The following CDK5R1 variants were observed in gnomAD, a reference collection of about 807,000 sequenced individuals.
CDK5R1 encodes cyclin dependent kinase 5 regulatory subunit 1.
A neutral mutation model predicts 19.0 loss-of-function variants in CDK5R1; 1 was observed. That is an observed-to-expected ratio of 0.05 (90% confidence interval 0.02 to 0.25). The LOEUF (loss-of-function observed/expected upper bound fraction) is 0.25, where lower values mean the gene tolerates loss of function less well. Among genes scored for constraint, CDK5R1 ranks in the 10% least tolerant of loss-of-function variants. The pLI is 1.00. For missense variants in CDK5R1, 314 were observed against 401.0 expected, an observed-to-expected ratio of 0.78 and a Z score of 1.85; for synonymous variants, 225 against 187.7, an observed-to-expected ratio of 1.20 and a Z score of -1.62.
Position 32,487,438 on chromosome 17 carries a change from G to T in CDK5R1, c.-145-38G>T, listed in dbSNP as rs1161241421. The T allele has an allele frequency of 2.0e-6, 1 of 499,616 alleles. No homozygotes were observed. The highest frequency in any genetic ancestry group is 2.1e-5 in the African/African-American group (1 of 48,430). The allele number at this position is 499,616 out of a possible 1,614,324, so 30.9% of individuals were successfully genotyped here. On this transcript the variant is annotated intron_variant, in intron 1 of 1. Transcript: ENST00000313401. The surrounding 1 kb of genome is among the most constrained non-coding windows in gnomAD (Gnocchi z 7.9). ...CGCAGGGGCGCAGGGGCGCGGCGCG[G>T]AGCCCAGCCTGGCGCTAAGAACCAT...
At position 32,489,391 on chromosome 17, in the gene CDK5R1, C is replaced by T. The variant is rs1445268892; in HGVS notation, c.*847C>T. Reference sequence around the variant, plus strand: ...GACAGCTGCAGGTGCCCATTAGCAACGCCTGCCTTCTGGGCAAGGTGAGGG... The same window carrying T: ...GACAGCTGCAGGTGCCCATTAGCAATGCCTGCCTTCTGGGCAAGGTGAGGG... On this transcript the variant is annotated 3_prime_UTR_variant, in exon 2 of 2. Coordinates refer to ENST00000313401, the MANE Select transcript of CDK5R1 (RefSeq NM_003885.3). 9.3e-6 allele frequency: 4 copies of T among 430,910 alleles called. No individual in the cohort carries two copies. Among genetic ancestry groups the T allele is most frequent in the African/African-American group, 6.1e-5 (3 of 49,100 alleles). The allele number at this position is 430,910 out of a possible 1,614,324, so 26.7% of individuals were successfully genotyped here. A position where few individuals can be genotyped will look rare whatever the true frequency, so the allele number is the denominator to read the frequency against.
chr17:32,489,277 T>G lies in CDK5R1; in HGVS notation c.*733T>G, dbSNP rs768408428. The G allele has an allele frequency of 1.1e-5, 5 of 470,964 alleles. No individual in the cohort carries two copies. Among genetic ancestry groups the G allele is most frequent in the Non-Finnish European group, 2.2e-5 (5 of 227,050 alleles). The allele number at this position is 470,964 out of a possible 1,614,324, so 29.2% of individuals were successfully genotyped here. On this transcript the variant is annotated 3_prime_UTR_variant, in exon 2 of 2. Coordinates refer to ENST00000313401, the MANE Select transcript of CDK5R1 (RefSeq NM_003885.3). Reference sequence around the variant, plus strand: ...AATTTCTCTCAATTTGGGTCCCAGCTAAAGAGGTGGGGTGAAGCTGGGGAC... The same window carrying G: ...AATTTCTCTCAATTTGGGTCCCAGCGAAAGAGGTGGGGTGAAGCTGGGGAC...
chr17:32,487,034 C>A lies in CDK5R1; in HGVS notation c.-274C>A. On this transcript the variant is annotated 5_prime_UTR_variant, in exon 1 of 2. Coordinates refer to ENST00000313401, the MANE Select transcript of CDK5R1 (RefSeq NM_003885.3). The surrounding 1 kb of genome is among the most constrained non-coding windows in gnomAD (Gnocchi z 7.9). ...CCGCCGCCGCCGCCGCCGCCGTCGC[C>A]GCCGCCGAGCGCGAGCCCAGCCGAT... 1 of 155,014 alleles carries A rather than the reference C, an allele frequency of 6.5e-6. No individual in the cohort carries two copies. The highest frequency in any genetic ancestry group is 1.8e-4 in the South Asian group (1 of 5,666). The allele number at this position is 155,014 out of a possible 1,614,324, so 9.6% of individuals were successfully genotyped here.
In CDK5R1 at chr17:32,488,669, C is replaced by G. The variant is rs9333303; in HGVS notation, c.*125C>G. The stretch of plus-strand genomic sequence containing the variant: ...GGGCCTCACCTTTCCCACAGTCTCT[C>G]CCTGGGGTTTTTTTCATCCCTGCCA... On this transcript the variant is annotated 3_prime_UTR_variant, in exon 2 of 2. Transcript: ENST00000313401. 6.6e-7 allele frequency: 1 copy of G among 1,508,606 alleles called. No homozygotes were observed. Among genetic ancestry groups the G allele is most frequent in the Non-Finnish European group, 9.0e-7 (1 of 1,112,268 alleles). The allele number at this position is 1,508,606 out of a possible 1,614,324, so 93.5% of individuals were successfully genotyped here.
Position 32,490,636 on chromosome 17 carries a change from C to T in CDK5R1, c.*2092C>T, listed in dbSNP as rs1369058275. Reference sequence around the variant, plus strand: ...AGTGTGCAAGCAAAGAACCCATTTGCCATGCTGCTATGAAGACTACTTTTA... The same window carrying T: ...AGTGTGCAAGCAAAGAACCCATTTGTCATGCTGCTATGAAGACTACTTTTA... On this transcript the variant is annotated 3_prime_UTR_variant, in exon 2 of 2. Coordinates refer to ENST00000313401, the MANE Select transcript of CDK5R1 (RefSeq NM_003885.3). 1 of 166,934 alleles carries T rather than the reference C, an allele frequency of 6.0e-6. No homozygotes were observed. Among genetic ancestry groups the T allele is most frequent in the Non-Finnish European group, 1.5e-5 (1 of 68,084 alleles). 10.3% of individuals were successfully genotyped at this position (166,934 alleles called of 1,614,324 possible).
chr17:32,488,808 C>G lies in CDK5R1; in HGVS notation c.*264C>G. On this transcript the variant is annotated 3_prime_UTR_variant, in exon 2 of 2. Transcript: ENST00000313401. ...GGGGAACTCAAAGGACTGACCTGCC[C>G]CTGCCGCCTGTGCCCTTGCTGGGTC... 1 of 541,054 alleles carries G rather than the reference C, an allele frequency of 1.8e-6. No homozygotes were observed. Among genetic ancestry groups the G allele is most frequent in the East Asian group, 4.1e-5 (1 of 24,270 alleles). 33.5% of individuals were successfully genotyped at this position (541,054 alleles called of 1,614,324 possible).
Position 32,487,930 on chromosome 17 carries a change from G to T in CDK5R1, c.310G>T (p.Ala104Ser), listed in dbSNP as rs1908734143. ...NLSTFAQPPP[A>S]QPPAPPASQL... ...GTCCACATTCGCCCAGCCCCCACCG[G>T]CCCAGCCGCCTGCACCCCCGGCCAG... The change falls in exon 2 of 2, where the codon GCC becomes TCC. Residue 104 changes from alanine to serine, a missense_variant. Coordinates refer to ENST00000313401, the MANE Select transcript of CDK5R1 (RefSeq NM_003885.3). This position sits in a 1 kb window ranked among gnomAD's most constrained non-coding sequence, Gnocchi z 7.9. The T allele has an allele frequency of 6.2e-7, 1 of 1,613,438 alleles. No homozygotes were observed.
rs2150844972 is a variant in CDK5R1, at chr17:32,488,646, GC to G, written c.*104del. On this transcript the variant is annotated 3_prime_UTR_variant, in exon 2 of 2. Transcript: ENST00000313401. The stretch of plus-strand genomic sequence containing the variant: ...TATGTGTCTAGCAAAGCCACCAAGG[GC>G]CTCACCTTTCCCACAGTCTCTCCCT... 6 of 1,552,126 alleles carry G rather than the reference GC, an allele frequency of 3.9e-6. No homozygotes were observed. Among genetic ancestry groups the G allele is most frequent in the Non-Finnish European group, 5.2e-6 (6 of 1,146,762 alleles).
chr17:32,487,453 C>T lies in CDK5R1; in HGVS notation c.-145-23C>T. ...GCGCGGCGCGGAGCCCAGCCTGGCGCTAAGAACCATCTTGTTTTCCAGGCA... is the reference window on the plus strand; with the variant it reads ...GCGCGGCGCGGAGCCCAGCCTGGCGTTAAGAACCATCTTGTTTTCCAGGCA... On this transcript the variant is annotated intron_variant, in intron 1 of 1. Coordinates refer to ENST00000313401, the MANE Select transcript of CDK5R1 (RefSeq NM_003885.3). This position sits in a 1 kb window ranked among gnomAD's most constrained non-coding sequence, Gnocchi z 7.9. 2 of 549,924 alleles carry T rather than the reference C, an allele frequency of 3.6e-6. No homozygotes were observed. Among genetic ancestry groups the T allele is most frequent in the East Asian group, 3.2e-5 (1 of 30,936 alleles). 34.1% of individuals were successfully genotyped at this position (549,924 alleles called of 1,614,324 possible).
chr17:32,489,163 G>A lies in CDK5R1; in HGVS notation c.*619G>A. On this transcript the variant is annotated 3_prime_UTR_variant, in exon 2 of 2. Transcript: ENST00000313401. Reference sequence around the variant, plus strand: ...TTTTAGGGAGAAGGGCTTTTCTTTAGTGGAGAAATGGAACTCGCCCCCCTA... The same window carrying A: ...TTTTAGGGAGAAGGGCTTTTCTTTAATGGAGAAATGGAACTCGCCCCCCTA... 2.1e-6 allele frequency: 1 copy of A among 471,146 alleles called. No homozygotes were observed. Among genetic ancestry groups the A allele is most frequent in the South Asian group, 1.5e-5 (1 of 64,568 alleles). The allele number at this position is 471,146 out of a possible 1,614,324, so 29.2% of individuals were successfully genotyped here.
At position 32,488,802 on chromosome 17, in the gene CDK5R1, C is replaced by A. The variant is rs1342208207; in HGVS notation, c.*258C>A. ...CACTTTGGGGAACTCAAAGGACTGA[C>A]CTGCCCCTGCCGCCTGTGCCCTTGC... On this transcript the variant is annotated 3_prime_UTR_variant, in exon 2 of 2. Coordinates refer to ENST00000313401, the MANE Select transcript of CDK5R1 (RefSeq NM_003885.3). The A allele has an allele frequency of 7.1e-6, 4 of 559,592 alleles. No homozygotes were observed. In the East Asian group the frequency reaches 1.2e-4, roughly 17 times the overall value. The allele number at this position is 559,592 out of a possible 1,614,324, so 34.7% of individuals were successfully genotyped here. A position where few individuals can be genotyped will look rare whatever the true frequency, so the allele number is the denominator to read the frequency against.
rs376942496 is a variant in CDK5R1, at chr17:32,488,565, G to T, written c.*21G>T. The T allele has an allele frequency of 4.3e-5, 69 of 1,613,918 alleles. No homozygotes were observed. In the African/African-American group the frequency reaches 8.3e-4, roughly 19 times the overall value. ...GGTGAGCACTGTAGCCTGCGTCATG[G>T]CTCAAGGATTCAATGCATTTTTAAG... On this transcript the variant is annotated 3_prime_UTR_variant, in exon 2 of 2. Coordinates refer to ENST00000313401, the MANE Select transcript of CDK5R1 (RefSeq NM_003885.3).
chr17:32,489,327 T>C lies in CDK5R1; in HGVS notation c.*783T>C, dbSNP rs1308664822. The C allele has an allele frequency of 8.5e-6, 4 of 470,414 alleles. No individual in the cohort carries two copies. The highest frequency in any genetic ancestry group is 2.4e-5 in the Admixed American group (1 of 42,532). The allele number at this position is 470,414 out of a possible 1,614,324, so 29.1% of individuals were successfully genotyped here. A position where few individuals can be genotyped will look rare whatever the true frequency, so the allele number is the denominator to read the frequency against. ...CAGCTTTCCTGGGTGAGTTTTTCTT[T>C]TGAATAATGTAGTGCAGTCACCCTG... On this transcript the variant is annotated 3_prime_UTR_variant, in exon 2 of 2. Coordinates refer to ENST00000313401, the MANE Select transcript of CDK5R1 (RefSeq NM_003885.3).
chr17:32,487,004 A>AGCTGCCGCCGCCGCCGCCGCC lies in CDK5R1; in HGVS notation c.-301_-281dup, dbSNP rs1555618560. The AGCTGCCGCCGCCGCCGCCGCC allele has an allele frequency of 1.3e-5, 2 of 151,916 alleles. No individual in the cohort carries two copies. The highest frequency in any genetic ancestry group is 3.8e-4 in the East Asian group (2 of 5,262). The allele number at this position is 151,916 out of a possible 1,614,324, so 9.4% of individuals were successfully genotyped here. On this transcript the variant is annotated 5_prime_UTR_variant, in exon 1 of 2. Transcript: ENST00000313401. This position sits in a 1 kb window ranked among gnomAD's most constrained non-coding sequence, Gnocchi z 7.9. ...GCAGAACCTTGGACAGAAGCTCCCTAGCTGCCGCCGCCGCCGCCGCCGCCG... is the reference window on the plus strand; with the variant it reads ...GCAGAACCTTGGACAGAAGCTCCCTAGCTGCCGCCGCCGCCGCCGCCGCTGCCGCCGCCGCCGCCGCCGCCG...
At position 32,488,378 on chromosome 17, in the gene CDK5R1, G is replaced by A. The variant is rs1908754261; in HGVS notation, c.758G>A (p.Cys253Tyr). ...CTCAAGCCCTTCCTGGTGGAGAGCT[G>A]CAAGGAGGCCTTTTGGGACCGTTGC... The part of the protein sequence containing the change: ...YPLKPFLVES[C>Y]KEAFWDRCLS... Residue 253 changes from cysteine to tyrosine, a missense_variant, in exon 2 of 2, where the codon TGC becomes TAC. This residue lies in a region of CDK5R1 where 106 missense variants were observed against 132.1 expected (regional missense o/e 0.80). Transcript: ENST00000313401. 6.2e-7 allele frequency: 1 copy of A among 1,613,998 alleles called. No individual in the cohort carries two copies. The highest frequency in any genetic ancestry group is 8.5e-7 in the Non-Finnish European group (1 of 1,180,018).
At position 32,488,251 on chromosome 17, in the gene CDK5R1, G is replaced by A; in HGVS notation, c.631G>A (p.Val211Ile). 1 of 1,614,088 alleles carries A rather than the reference G, an allele frequency of 6.2e-7. No homozygotes were observed. Among genetic ancestry groups the A allele is most frequent in the Non-Finnish European group, 8.5e-7 (1 of 1,180,054 alleles). Reference protein sequence around the residue: ...VVFLYMLCRDVISSEVGSDHE... With the variant: ...VVFLYMLCRDIISSEVGSDHE... ...CTTCCTCTACATGCTCTGCAGGGATGTTATCTCCTCCGAGGTGGGCTCGGA... is the reference window on the plus strand; with the variant it reads ...CTTCCTCTACATGCTCTGCAGGGATATTATCTCCTCCGAGGTGGGCTCGGA... Residue 211 changes from valine to isoleucine, a missense_variant, in exon 2 of 2, where the codon GTT (valine) becomes ATT (isoleucine). Physicochemically the swap from Val to Ile is conservative, Grantham distance 29. Transcript: ENST00000313401.
chr17:32,487,507 A>C lies in CDK5R1; in HGVS notation c.-114A>C, dbSNP rs1597849963. On this transcript the variant is annotated 5_prime_UTR_variant, in exon 2 of 2. Transcript: ENST00000313401. The surrounding 1 kb of genome is among the most constrained non-coding windows in gnomAD (Gnocchi z 7.9). Reference sequence around the variant, plus strand: ...CCAAGGGGGCAGCACGCTTCCCGGGAGCGCCCCCGCCTCCTCTCCGGGGCC... The same window carrying C: ...CCAAGGGGGCAGCACGCTTCCCGGGCGCGCCCCCGCCTCCTCTCCGGGGCC... The C allele has an allele frequency of 2.8e-6, 2 of 724,972 alleles. No individual in the cohort carries two copies. The allele number at this position is 724,972 out of a possible 1,614,324, so 44.9% of individuals were successfully genotyped here.
rs756578742 is a variant in CDK5R1, at chr17:32,487,858, C to T, written c.238C>T (p.His80Tyr). 9 of 1,613,970 alleles carry T rather than the reference C, an allele frequency of 5.6e-6. No individual in the cohort carries two copies. The highest frequency in any genetic ancestry group is 1.1e-5 in the South Asian group (1 of 91,094). ...PNSSYQNNIT[H>Y]LNNENLKKSL... ...CAGCAGCTACCAGAACAACATCACGCACCTCAACAATGAGAACCTGAAGAA... is the reference window on the plus strand; with the variant it reads ...CAGCAGCTACCAGAACAACATCACGTACCTCAACAATGAGAACCTGAAGAA... Residue 80 changes from histidine (H) to tyrosine (Y), a missense_variant, in exon 2 of 2, where the codon CAC (histidine) becomes TAC (tyrosine). This residue lies in a region of CDK5R1 where 197 missense variants were observed against 230.2 expected (regional missense o/e 0.86). Transcript: ENST00000313401. The surrounding 1 kb of genome is among the most constrained non-coding windows in gnomAD (Gnocchi z 7.9).
chr17:32,491,122 GTGTT>G lies in CDK5R1; in HGVS notation c.*2582_*2585del, dbSNP rs777619669. The G allele has an allele frequency of 6.0e-6, 1 of 167,098 alleles. No individual in the cohort carries two copies. Among genetic ancestry groups the G allele is most frequent in the Admixed American group, 6.5e-5 (1 of 15,286 alleles). The allele number at this position is 167,098 out of a possible 1,614,324, so 10.4% of individuals were successfully genotyped here. On this transcript the variant is annotated 3_prime_UTR_variant, in exon 2 of 2. Coordinates refer to ENST00000313401, the MANE Select transcript of CDK5R1 (RefSeq NM_003885.3). ...GTCTCATTTTGTATGTATGTGTAGT[GTGTT>G]TGTGAGTATGTGTGGTTTATAATCT...
Sources: gnomAD v4.1 joint callset for allele counts on GRCh38, gnomAD v4.1.1 for gene constraint, gnomAD v4.1.1 regional missense constraint, Gnocchi (gnomAD v3.1) non-coding constraint, MANE v1.5 for transcripts, NCBI Gene and HGNC (gene_info 2026-07-23, HGNC 2026-07-21) for gene names.